ZNF253: variants seen among roughly 807,000 people sequenced by gnomAD.
ZNF253 encodes the protein DNA-binding protein.
Under a neutral mutation model 11.9 loss-of-function variants are expected in ZNF253, and 8 were observed. The ratio of observed to expected loss-of-function variants is 0.67; its 90% CI spans 0.40 to 1.22. The LOEUF (loss-of-function observed/expected upper bound fraction) is 1.22. Among genes scored for constraint, ZNF253 ranks in the 50% most tolerant of loss-of-function variants. ZNF253 has a pLI of 0.01. For synonymous variants in ZNF253, 194 were observed against 194.9 expected, an observed-to-expected ratio of 1.00 and a Z score of 0.04; for missense variants, 485 against 586.9, an observed-to-expected ratio of 0.83 and a Z score of 1.79.
At chr19:19,876,072 G>A (rs117690719) in intron 1 of ZNF253, among the ~76,000 whole-genome samples, 3 of 152,164 alleles carry the variant, frequency 2.0e-5, no homozygotes, top group Admixed American at 6.5e-5. Flanking sequence ...GATGGAGTTG[G>A]GTTGTCTTTA....
chr19:19,878,455 A>T, intron 1 of ZNF253, 26 bp from the exon 2 acceptor site: 1 of 1,610,788 alleles, frequency 6.2e-7, no homozygotes, highest in Non-Finnish European at 8.5e-7. Flanking sequence ...CCATTTAGTA[A>T]TTATGTGTGT....
chr19:19,872,472 T>C (rs561489238), intron 1 of ZNF253, among the ~76,000 whole-genome samples: 18 of 149,240 alleles, frequency 1.2e-4, no homozygotes, highest in Admixed American at 1.2e-3. Flanking sequence ...TGTATTCATC[T>C]CTTGAAACTG....
rs1205207393 is a variant in ZNF253 at position 19,891,809 on chromosome 19, A to T, written c.562A>T (p.Thr188Ser). 1 of 1,614,066 alleles carries T rather than the reference A, an allele frequency of 6.2e-7. No homozygotes were observed. The highest frequency in any genetic ancestry group is 8.5e-7 in the Non-Finnish European group (1 of 1,180,024). The stretch of plus-strand genomic sequence containing the variant: ...AGCTTTTAAACGGTCCTCAACCCTT[A>T]CTACACATAAGAAAATTCATACTGG... Reference protein sequence around the residue: ...GKAFKRSSTLTTHKKIHTGEK... With the variant: ...GKAFKRSSTLSTHKKIHTGEK... Residue 188 changes from threonine to serine, a missense_variant, in exon 4 of 4, where the codon ACT becomes TCT. Coordinates refer to ENST00000589717, the MANE Select transcript of ZNF253 (RefSeq NM_021047.3).
chr19:19,871,083 A>G (rs73008641), intron 1 of ZNF253: 18,844 of 152,168 alleles, frequency 0.12, 1,462 homozygotes, highest in South Asian at 0.19. Flanking sequence ...TTACTATCCT[A>G]TGGTGTCCAA....
intron 1 of ZNF253, among the ~76,000 whole-genome samples, chr19:19,877,110 A>G (rs981394515): frequency 1.3e-5 from 2 of 152,184 alleles, no homozygotes; most frequent in African/African-American, 4.8e-5. Flanking sequence ...TGTGTGTTCC[A>G]TTAGCTCTAT....
chr19:19,874,834 C>A (rs2063148425), intron 1 of ZNF253, among the ~76,000 whole-genome samples: 1 of 152,006 alleles, frequency 6.6e-6, no homozygotes, highest in South Asian at 2.1e-4. Context: ...ATGGCGTGAA[C>A]CCGGGAGGCG....
Position 19,891,561 on chromosome 19 carries a change from GCAGACATGACAATTTA to G in ZNF253, c.318_333del (p.Arg106SerfsTer2). ...GGGATGCTGAGAAGATATGAAGAAT[GCAGACATGACAATTTA>G]CAGTTAAAAAAAGGCTGTAAAAGCG... is the stretch of plus-strand genomic sequence containing the variant. On this transcript the variant is annotated frameshift_variant, in exon 4 of 4. Coordinates refer to ENST00000589717, the MANE Select transcript of ZNF253 (RefSeq NM_021047.3). LOFTEE classifies it low-confidence loss of function (END_TRUNC). 2 of 1,614,024 alleles carry G rather than the reference GCAGACATGACAATTTA, an allele frequency of 1.2e-6. No individual in the cohort carries two copies. Among genetic ancestry groups the G allele is most frequent in the South Asian group, 2.2e-5 (2 of 91,074 alleles).
chr19:19,892,045 C>G lies in ZNF253; in HGVS notation c.798C>G (p.Asn266Lys), dbSNP rs1277264286. Residue 266 changes from asparagine (N) to lysine (K), a missense_variant, in exon 4 of 4, where the codon AAC becomes AAG. Asn to Lys is a moderately conservative substitution (Grantham distance 94). Transcript: ENST00000589717. Reference protein sequence around the residue: ...YKCEECGKAFNRSTDLTTHKI... With the variant: ...YKCEECGKAFKRSTDLTTHKI... Reference sequence around the variant, plus strand: ...GTGAAGAATGTGGCAAAGCCTTCAACCGATCCACAGACCTTACTACACATA... The same window carrying G: ...GTGAAGAATGTGGCAAAGCCTTCAAGCGATCCACAGACCTTACTACACATA... The G allele has an allele frequency of 6.2e-7, 1 of 1,612,134 alleles. No individual in the cohort carries two copies. Among genetic ancestry groups the G allele is most frequent in the Admixed American group, 1.7e-5 (1 of 59,840 alleles).
Position 19,892,755 on chromosome 19 carries a change from T to C in ZNF253, c.*8T>C, listed in dbSNP as rs1253900434. 3 of 1,574,284 alleles carry C rather than the reference T, an allele frequency of 1.9e-6. No individual in the cohort carries two copies. The Admixed American group carries it at 5.6e-5, about 29-fold the overall frequency. On this transcript the variant is annotated 3_prime_UTR_variant, in exon 4 of 4. Transcript: ENST00000589717. ...TTAATTAGCATAAGATAATTCATACTGGAGAGAAACCCTATGAATGTGATG... is the reference window on the plus strand; with the variant it reads ...TTAATTAGCATAAGATAATTCATACCGGAGAGAAACCCTATGAATGTGATG...
chr19:19,883,429 T>C (rs972093686), intron 3 of ZNF253, among the ~76,000 whole-genome samples: 1 of 151,932 alleles, frequency 6.6e-6, no homozygotes, highest in Admixed American at 6.6e-5. Flanking sequence ...CTGGGGAATA[T>C]ATGGAGACCT....
intron 3 of ZNF253, among the ~76,000 whole-genome samples, chr19:19,883,578 A>G (rs2063186734): frequency 1.4e-5 from 2 of 145,676 alleles, no homozygotes; most frequent in Admixed American, 6.6e-5. Flanking sequence ...CTGTCTCAAA[A>G]AAAAGTTGTT....
intron 3 of ZNF253, among the ~76,000 whole-genome samples, chr19:19,886,823 T>C (rs2063208199): frequency 6.6e-6 from 1 of 152,174 alleles, no homozygotes; most frequent in South Asian, 2.1e-4. Flanking sequence ...TGCAAAATAA[T>C]TAATATTGTC....
At position 19,878,568 on chromosome 19, in the gene ZNF253, G is replaced by A. The variant is rs1251854946; in HGVS notation, c.91G>A (p.Asp31Asn). The A allele has an allele frequency of 6.2e-6, 10 of 1,613,786 alleles. No individual in the cohort carries two copies. The highest frequency in any genetic ancestry group is 8.5e-6 in the Non-Finnish European group (10 of 1,179,922). The change falls in exon 2 of 4, where the codon GAT becomes AAT. Residue 31 changes from aspartate to asparagine, a missense_variant. Physicochemically the swap from Asp to Asn is conservative, Grantham distance 23. Transcript: ENST00000589717. ...LDTAQRNLYR[D>N]VMLENYRNLV... ...CACTGCACAGCGGAATTTATATAGG[G>A]ATGTGATGTTAGAGAACTACAGAAA...
At chr19:19,875,751 G>A (rs1279508694) in intron 1 of ZNF253, among the ~76,000 whole-genome samples, 1 of 151,844 alleles carries the variant, frequency 6.6e-6, no homozygotes. Context: ...TTTATTCTAT[G>A]TAATTTTTTT....
At chr19:19,889,941 G>A (rs1385565641) in intron 3 of ZNF253, among the ~76,000 whole-genome samples, 2 of 152,170 alleles carry the variant, frequency 1.3e-5, no homozygotes. Flanking sequence ...AGCTTGGCCT[G>A]TTCAATTTAT....
rs1225397219 is a variant in ZNF253, at chr19:19,893,413, A to G, written c.*666A>G. On this transcript the variant is annotated 3_prime_UTR_variant, in exon 4 of 4. Coordinates refer to ENST00000589717, the MANE Select transcript of ZNF253 (RefSeq NM_021047.3). Reference sequence around the variant, plus strand: ...ACATTGCTTTTACCAACACCTCCACATTTCCTATACATAAAAATAAATTAT... The same window carrying G: ...ACATTGCTTTTACCAACACCTCCACGTTTCCTATACATAAAAATAAATTAT... The G allele has an allele frequency of 2.6e-5, 4 of 152,274 alleles. No homozygotes were observed. 9.4% of individuals were successfully genotyped at this position (152,274 alleles called of 1,614,324 possible).
rs1462316177 is a variant in ZNF253 at position 19,893,920 on chromosome 19, G to C, written c.*1173G>C. On this transcript the variant is annotated 3_prime_UTR_variant, in exon 4 of 4. Transcript: ENST00000589717. ...ATCAAGGGAATTTATATTGAGAATA[G>C]TACTGCAAATGTAATGAATGGAAAG... The C allele has an allele frequency of 1.3e-5, 2 of 152,190 alleles. No homozygotes were observed. Among genetic ancestry groups the C allele is most frequent in the African/African-American group, 2.4e-5 (1 of 41,450 alleles). 9.4% of individuals were successfully genotyped at this position (152,190 alleles called of 1,614,324 possible). A position where few individuals can be genotyped will look rare whatever the true frequency, so the allele number is the denominator to read the frequency against.
At chr19:19,875,202 G>C (rs1019520079) in intron 1 of ZNF253, among the ~76,000 whole-genome samples, 1 of 152,052 alleles carries the variant, frequency 6.6e-6, no homozygotes, top group Non-Finnish European at 1.5e-5. Context: ...CTCAAAAGCA[G>C]ATAAATCAGA....
Position 19,892,478 on chromosome 19 carries a change from C to T in ZNF253, c.1231C>T (p.Leu411Phe). The change falls in exon 4 of 4, where the codon CTC becomes TTC. Residue 411 changes from leucine to phenylalanine, a missense_variant. By Grantham distance (22) the Leu-to-Phe change is conservative (BLOSUM62 0). Transcript: ENST00000589717. The stretch of plus-strand genomic sequence containing the variant: ...CAAAACCTTTACCTGGCCCTCAATC[C>T]TCTCCAAACATAAAAGAACTCATAC... ...CGKTFTWPSI[L>F]SKHKRTHTGE... 6.2e-7 allele frequency: 1 copy of T among 1,613,820 alleles called. No individual in the cohort carries two copies. The highest frequency in any genetic ancestry group is 2.2e-5 in the East Asian group (1 of 44,818).
Sources: gnomAD v4.1 joint callset for allele counts (sites outside exome capture counted in the v4.1 genomes callset) on GRCh38, gnomAD v4.1.1 for gene constraint, MANE v1.5 for transcripts, NCBI Gene and HGNC (gene_info 2026-07-23, HGNC 2026-07-21) for gene names.